FER: variants seen among roughly 807,000 people sequenced by gnomAD.
The protein encoded by FER is FER tyrosine kinase.
In FER, 63 loss-of-function variants were observed where a neutral mutation model predicts 111.0. That is an observed-to-expected ratio of 0.57 (90% CI 0.46 to 0.70). FER has a LOEUF of 0.70. Ranked by LOEUF, FER falls within the 30% of genes least tolerant of loss-of-function variation. The pLI, the probability that FER is intolerant of heterozygous loss-of-function variation, is 0.00. For synonymous variants in FER, 327 were observed against 313.9 expected (o/e 1.04, Z -0.44); for missense variants, 914 against 954.0 (o/e 0.96, Z 0.55).
chr5:108,894,603 A>G (rs570174662), intron 9 of FER: 8 of 376,730 alleles, frequency 2.1e-5, no homozygotes, highest in Admixed American at 8.5e-5. Context: ...CTTGCCCTCA[A>G]GGGACTTGAA....
intron 10 of FER, among the ~76,000 whole-genome samples, chr5:108,926,078 TTA>T (rs1753697591): frequency 6.6e-6 from 1 of 151,700 alleles, no homozygotes; most frequent in African/African-American, 2.4e-5. Flanking sequence ...TTCTTTTTTT[TTA>T]TACACAGTCA....
At position 108,844,146 on chromosome 5, in the gene FER, G is replaced by GTGTGTGAACATATATA. The variant is rs748056040; in HGVS notation, c.481+8357_481+8372dup. 6.0e-5 allele frequency among the ~76,000 whole-genome samples: 9 copies of GTGTGTGAACATATATA among 150,146 alleles called. 2 individuals are homozygous for GTGTGTGAACATATATA. In the South Asian group the frequency reaches 1.7e-3, roughly 28 times the overall value. ...CATATATGTGTGTGAACATATATGT[G>GTGTGTGAACATATATA]TGTGTGAACATATATATGTGTGAAC... On this transcript the variant is annotated intron_variant, in intron 5 of 19. Coordinates refer to ENST00000281092, the MANE Select transcript of FER (RefSeq NM_005246.4).
At chr5:109,051,718 T>C in intron 16 of FER, 1 of 1,567,548 alleles carries the variant, frequency 6.4e-7, no homozygotes, top group Middle Eastern at 1.7e-4. Flanking sequence ...AGTGGTCGCA[T>C]GGTAAGGGTC....
chr5:108,951,769 A>C (rs1005178315), intron 11 of FER, among the ~76,000 whole-genome samples: 5 of 152,128 alleles, frequency 3.3e-5, no homozygotes, highest in African/African-American at 1.2e-4. Context: ...TTTTAATAGA[A>C]TCTAGACCAG....
At chr5:109,141,566 G>C (rs892652648) in intron 17 of FER, among the ~76,000 whole-genome samples, 1 of 152,168 alleles carries the variant, frequency 6.6e-6, no homozygotes, top group Admixed American at 6.5e-5. Flanking sequence ...TTTATTTCTT[G>C]CTACCATGTG....
At chr5:108,879,521 A>G (rs1281175385) in intron 8 of FER, among the ~76,000 whole-genome samples, 5 of 151,634 alleles carry the variant, frequency 3.3e-5, no homozygotes, top group Admixed American at 3.3e-4. Flanking sequence ...TGAATATTGT[A>G]CTTTGAAATT....
At chr5:109,069,543 C>A (rs970046562) in intron 16 of FER, among the ~76,000 whole-genome samples, 2 of 151,968 alleles carry the variant, frequency 1.3e-5, no homozygotes, top group Non-Finnish European at 2.9e-5. Context: ...TTGTCTCTAC[C>A]CCCTGAGTAT....
At chr5:109,016,661 A>G (rs758139705) in intron 13 of FER, among the ~76,000 whole-genome samples, 6 of 152,104 alleles carry the variant, frequency 3.9e-5, no homozygotes, top group Non-Finnish European at 8.8e-5. Flanking sequence ...TTGCAAAGCA[A>G]TAGCAAAACT....
At chr5:108,921,393 G>A (rs988304932) in intron 10 of FER, among the ~76,000 whole-genome samples, 1 of 152,016 alleles carries the variant, frequency 6.6e-6, no homozygotes, top group Non-Finnish European at 1.5e-5. Flanking sequence ...ATCCCTGCTT[G>A]TTCCTTAAAC....
At chr5:108,776,303 A>G (rs111874332) in intron 2 of FER, among the ~76,000 whole-genome samples, 207 of 152,232 alleles carry the variant, frequency 1.4e-3, no homozygotes, top group African/African-American at 4.4e-3. Context: ...TTGAATCTCT[A>G]TATCAATGTT....
intron 13 of FER, among the ~76,000 whole-genome samples, chr5:109,035,263 C>G (rs1419738588): frequency 6.6e-6 from 1 of 151,932 alleles, no homozygotes; most frequent in East Asian, 1.9e-4. Context: ...ATTTTTATAA[C>G]CCCCCGCAAA....
intron 17 of FER, among the ~76,000 whole-genome samples, chr5:109,150,525 T>C (rs953217340): frequency 7.2e-5 from 11 of 152,212 alleles, no homozygotes; most frequent in African/African-American, 2.7e-4. Context: ...CTCAGACTTC[T>C]CTGACACTGC....
chr5:108,829,833 G>A (rs1184257435), intron 3 of FER, among the ~76,000 whole-genome samples: 2 of 151,806 alleles, frequency 1.3e-5, no homozygotes, highest in Non-Finnish European at 2.9e-5. Context: ...CAATTGAGGA[G>A]ACATTATAAA....
At chr5:109,166,118 C>A (rs1283514046) in intron 17 of FER, among the ~76,000 whole-genome samples, 6 of 151,874 alleles carry the variant, frequency 4.0e-5, no homozygotes, top group Non-Finnish European at 8.8e-5. Flanking sequence ...CCTCATCCTG[C>A]TAGCCATGAG....
intron 9 of FER, among the ~76,000 whole-genome samples, chr5:108,884,911 C>CT (rs1202657441): frequency 6.6e-6 from 1 of 151,992 alleles, no homozygotes; most frequent in Admixed American, 6.6e-5. Context: ...TACTTGACCT[C>CT]TTAATAGTAT....
At chr5:108,989,015 T>G (rs1264413525) in intron 13 of FER, among the ~76,000 whole-genome samples, 1 of 152,142 alleles carries the variant, frequency 6.6e-6, no homozygotes, top group Non-Finnish European at 1.5e-5. Context: ...ATTTTTTAAT[T>G]TCCATCTTGA....
At chr5:109,114,983 T>C (rs1186835879) in intron 17 of FER, among the ~76,000 whole-genome samples, 9 of 152,004 alleles carry the variant, frequency 5.9e-5, no homozygotes, top group Admixed American at 5.9e-4. Context: ...CCTCCTCTCT[T>C]CCCTCCATTC....
Position 109,141,216 on chromosome 5 carries a change from T to G in FER, c.2049-39531T>G, listed in dbSNP as rs1212652001. Among the ~76,000 whole-genome samples the G allele has an allele frequency of 2.0e-5, 3 of 152,156 alleles. No homozygotes were observed. The East Asian group carries it at 5.8e-4, about 29-fold the overall frequency. ...GATTTCCTTTTTTGAAAATATAAAT[T>G]CAACTTCCTTTCTCAATTTTTTATA... On this transcript the variant is annotated intron_variant, in intron 17 of 19. Coordinates refer to ENST00000281092, the MANE Select transcript of FER (RefSeq NM_005246.4).
intron 5 of FER, among the ~76,000 whole-genome samples, chr5:108,863,512 T>C (rs1452671292): frequency 1.3e-5 from 2 of 152,224 alleles, no homozygotes; most frequent in East Asian, 1.9e-4. Flanking sequence ...TATTGTATTA[T>C]TCTATGAAAA....
Sources: gnomAD v4.1 joint callset for allele counts (sites outside exome capture counted in the v4.1 genomes callset) on GRCh38, gnomAD v4.1.1 for gene constraint, MANE v1.5 for transcripts, NCBI Gene and HGNC (gene_info 2026-07-23, HGNC 2026-07-21) for gene names.